The following CD82 variants were observed in gnomAD, a reference collection of about 807,000 sequenced individuals.
The protein encoded by CD82 is CD82 molecule, also known as CD82 antigen.
Under a neutral mutation model 37.4 loss-of-function variants are expected in CD82, and 36 were observed. That is an observed-to-expected ratio of 0.96 (90% confidence interval 0.74 to 1.27). CD82 has a LOEUF of 1.27. CD82 is among the 50% of genes most tolerant of loss of function. CD82 has a pLI of 0.00. For synonymous variants in CD82, 158 were observed against 137.4 expected, an observed-to-expected ratio of 1.15 and a Z score of -1.05; for missense variants, 340 against 347.0, an observed-to-expected ratio of 0.98 and a Z score of 0.16.
intron 1 of CD82, among the ~76,000 whole-genome samples, chr11:44,579,396 C>T (rs1160649603): frequency 6.6e-6 from 1 of 151,810 alleles, no homozygotes; most frequent in African/African-American, 2.4e-5. Flanking sequence ...CCTGGGTCAG[C>T]AGGGCCTGCA....
At position 44,594,704 on chromosome 11, in the gene CD82, C is replaced by A. The variant is rs749268925; in HGVS notation, c.42C>A (p.Phe14Leu). The A allele has an allele frequency of 1.9e-6, 3 of 1,613,838 alleles. No homozygotes were observed. The South Asian group carries it at 3.3e-5, about 18-fold the overall frequency. Reference sequence around the variant, plus strand: ...TCAAAGTCACCAAATACTTTCTCTTCCTCTTCAACTTGATCTTCTTTGTAA... The same window carrying A: ...TCAAAGTCACCAAATACTTTCTCTTACTCTTCAACTTGATCTTCTTTGTAA... ...ACIKVTKYFL[F>L]LFNLIFFILG... is the part of the protein sequence containing the mutation. Residue 14 changes from phenylalanine to leucine, a missense_variant, in exon 3 of 10, where the codon TTC becomes TTA. By Grantham distance (22) the Phe-to-Leu change is conservative (BLOSUM62 0). Transcript: ENST00000227155.
In CD82 at chr11:44,618,313, G is replaced by A. The variant is rs1335922330; in HGVS notation, c.590G>A (p.Gly197Asp). ...AGGAAGGGCTTCTGCGAGGCCCCCG[G>A]CAACAGGACCCAGAGTGGCAACCAC... Reference protein sequence around the residue: ...SVRKGFCEAPGNRTQSGNHPE... With the variant: ...SVRKGFCEAPDNRTQSGNHPE... The change falls in exon 8 of 10, where the codon GGC (glycine) becomes GAC (aspartate). Residue 197 changes from glycine to aspartate, a missense_variant. Gly to Asp is a moderately conservative substitution (Grantham distance 94). Coordinates refer to ENST00000227155, the MANE Select transcript of CD82 (RefSeq NM_002231.4). 2 of 1,613,808 alleles carry A rather than the reference G, an allele frequency of 1.2e-6. No individual in the cohort carries two copies. Among genetic ancestry groups the A allele is most frequent in the South Asian group, 2.2e-5 (2 of 91,080 alleles).
intron 2 of CD82, among the ~76,000 whole-genome samples, chr11:44,590,895 C>T (rs1853136302): frequency 6.6e-6 from 1 of 152,204 alleles, no homozygotes. Flanking sequence ...CGTGGGTGAC[C>T]TGGGTGTGTC....
intron 2 of CD82, among the ~76,000 whole-genome samples, chr11:44,590,824 C>G (rs1261008182): frequency 6.6e-6 from 1 of 151,896 alleles, no homozygotes; most frequent in South Asian, 2.1e-4. Flanking sequence ...AATTCAACCT[C>G]GGGGGCTCCT....
At chr11:44,573,799 T>C (rs1026143016) in intron 1 of CD82, among the ~76,000 whole-genome samples, 1 of 152,214 alleles carries the variant, frequency 6.6e-6, no homozygotes, top group African/African-American at 2.4e-5. Flanking sequence ...CAGGCATTGA[T>C]GTCAGCCAGG....
intron 1 of CD82, among the ~76,000 whole-genome samples, chr11:44,571,859 T>C (rs567963059): frequency 6.6e-6 from 1 of 152,344 alleles, no homozygotes; most frequent in African/African-American, 2.4e-5. Flanking sequence ...CATGATCTAC[T>C]GTGCTCGGTG....
At chr11:44,588,988 G>A (rs1853101189) in intron 2 of CD82, among the ~76,000 whole-genome samples, 2 of 152,228 alleles carry the variant, frequency 1.3e-5, no homozygotes, top group African/African-American at 4.8e-5. Flanking sequence ...CAGGAACGGT[G>A]GCTCACGCCT....
intron 1 of CD82, among the ~76,000 whole-genome samples, chr11:44,569,805 G>A (rs1852789502): frequency 1.3e-5 from 2 of 152,166 alleles, no homozygotes; most frequent in Admixed American, 1.3e-4. Context: ...CTGGACTTTA[G>A]AGTTGAGATC....
chr11:44,580,940 A>C (rs1852970784), intron 1 of CD82, among the ~76,000 whole-genome samples: 1 of 152,162 alleles, frequency 6.6e-6, no homozygotes, highest in Non-Finnish European at 1.5e-5. Flanking sequence ...ATGATGTGAC[A>C]AAAGGTTTGC....
chr11:44,600,318 G>T, intron 4 of CD82, 88 bp downstream of exon 4: 1 of 1,241,172 alleles, frequency 8.1e-7, no homozygotes, highest in Non-Finnish European at 1.2e-6. Flanking sequence ...AAGTGCTTCG[G>T]CTTCAATGCC....
intron 1 of CD82, among the ~76,000 whole-genome samples, chr11:44,579,814 T>C (rs1433882477): frequency 6.6e-6 from 1 of 152,200 alleles, no homozygotes; most frequent in Admixed American, 6.5e-5. Context: ...GAAGTGGGTC[T>C]CTCAGGGCCA....
chr11:44,575,777 T>C (rs967875187), intron 1 of CD82, among the ~76,000 whole-genome samples: 8 of 152,008 alleles, frequency 5.3e-5, no homozygotes, highest in African/African-American at 1.7e-4. Flanking sequence ...CCTTCTCCCA[T>C]GTGTCCTTTG....
chr11:44,605,252 C>T (rs1853375601), intron 5 of CD82, 70 bp downstream of exon 5: 2 of 1,606,814 alleles, frequency 1.2e-6, no homozygotes, highest in African/African-American at 1.3e-5. Flanking sequence ...CTGACCGCGG[C>T]GCTGGCCGTA....
At position 44,618,896 on chromosome 11, in the gene CD82, G is replaced by A. The variant is rs1256956796; in HGVS notation, c.727-153G>A. Among the ~76,000 whole-genome samples, 5 of 152,136 alleles carry A rather than the reference G, an allele frequency of 3.3e-5. No individual in the cohort carries two copies. In the South Asian group the frequency reaches 8.3e-4, roughly 25 times the overall value. Reference sequence around the variant, plus strand: ...GTGACCTCAGACAAGGCACTGCCCCGCTCTGGGCCTCCCTCTGCTGCCTGC... The same window carrying A: ...GTGACCTCAGACAAGGCACTGCCCCACTCTGGGCCTCCCTCTGCTGCCTGC... On this transcript the variant is annotated intron_variant, in intron 9 of 9. Coordinates refer to ENST00000227155, the MANE Select transcript of CD82 (RefSeq NM_002231.4).
intron 3 of CD82, chr11:44,596,755 T>G (rs2134660146): frequency 2.6e-6 from 1 of 379,108 alleles, no homozygotes; most frequent in South Asian, 1.9e-5. Context: ...ACGGGCTTGT[T>G]TACTCCTCAG....
rs930324594 is a variant in CD82 at position 44,600,085 on chromosome 11, G to T, written c.64-73G>T. The T allele has an allele frequency of 6.0e-6, 9 of 1,507,498 alleles. No homozygotes were observed. In the African/African-American group the frequency reaches 9.6e-5, roughly 16 times the overall value. The allele number at this position is 1,507,498 out of a possible 1,614,324, so 93.4% of individuals were successfully genotyped here. On this transcript the variant is annotated intron_variant, in intron 3 of 9. Coordinates refer to ENST00000227155, the MANE Select transcript of CD82 (RefSeq NM_002231.4). ...CCCTGCCCTGCCCACCCTGACTTGGGTTCCAGGGACAGCTGGCAGGGGGAG... is the reference window on the plus strand; with the variant it reads ...CCCTGCCCTGCCCACCCTGACTTGGTTTCCAGGGACAGCTGGCAGGGGGAG...
chr11:44,587,620 A>G (rs1853076358), intron 2 of CD82, 64 bp downstream of exon 2: 2 of 455,426 alleles, frequency 4.4e-6, no homozygotes, highest in Admixed American at 2.3e-5. Context: ...GAGGCGAGGA[A>G]GGTGGAGACC....
intron 1 of CD82, among the ~76,000 whole-genome samples, chr11:44,566,801 T>G (rs919491345): frequency 2.6e-5 from 4 of 152,028 alleles, no homozygotes; most frequent in Non-Finnish European, 5.9e-5. Context: ...AGCCTTTTTT[T>G]TTTCTTGGAG....
chr11:44,586,637 CAG>C (rs1853059182), intron 1 of CD82, among the ~76,000 whole-genome samples: 1 of 152,132 alleles, frequency 6.6e-6, no homozygotes, highest in African/African-American at 2.4e-5. Flanking sequence ...GCCTTGGTGA[CAG>C]AGCAGAGTGA....
Sources: gnomAD v4.1 joint callset for allele counts (sites outside exome capture counted in the v4.1 genomes callset) on GRCh38, gnomAD v4.1.1 for gene constraint, MANE v1.5 for transcripts, NCBI Gene and HGNC (gene_info 2026-07-23, HGNC 2026-07-21) for gene names.